Variants in KCTD1 observed in about 807,000 individuals in gnomAD.
The protein encoded by KCTD1 is BTB/POZ domain-containing protein KCTD1.
Under a neutral mutation model 66.0 loss-of-function variants are expected in KCTD1, and 24 were observed. That is an observed-to-expected ratio of 0.36 (90% CI 0.26 to 0.51). The LOEUF (loss-of-function observed/expected upper bound fraction) is 0.51, where lower values mean the gene tolerates loss of function less well. Ranked by LOEUF, KCTD1 falls within the 20% of genes least tolerant of loss-of-function variation. The pLI is 0.95. For synonymous variants in KCTD1, 511 were observed against 517.2 expected (o/e 0.99, Z 0.16); for missense variants, 943 against 1,205.2 (o/e 0.78, Z 3.22).
At chr18:26,478,852 CA>C (rs1009017413) in intron 2 of KCTD1, among the ~76,000 whole-genome samples, 22 of 151,870 alleles carry the variant, frequency 1.4e-4, no homozygotes, top group African/African-American at 5.3e-4. Flanking sequence ...GTGGTGAACT[CA>C]AAAAATGCAC....
At chr18:26,656,330 T>TC (rs1988139191) in intron 1 of KCTD1, among the ~76,000 whole-genome samples, 1 of 151,998 alleles carries the variant, frequency 6.6e-6, no homozygotes, top group African/African-American at 2.4e-5. Context: ...CCCCACCCCC[T>TC]CCCCGCCTCC....
At chr18:26,575,369 T>G (rs750963440) in intron 1 of KCTD1, 4 of 152,174 alleles carry the variant, frequency 2.6e-5, no homozygotes, top group Non-Finnish European at 5.9e-5. Context: ...GGAAACCACA[T>G]GCAGCGTCTC....
intron 1 of KCTD1, chr18:26,581,576 C>T (rs564202710): frequency 6.6e-5 from 10 of 152,152 alleles, no homozygotes; most frequent in African/African-American, 2.2e-4. Flanking sequence ...CCGTTATATC[C>T]CCAGTACCTA....
chr18:26,510,922 T>C (rs1983298887), intron 1 of KCTD1, among the ~76,000 whole-genome samples: 1 of 152,190 alleles, frequency 6.6e-6, no homozygotes, highest in Non-Finnish European at 1.5e-5. Flanking sequence ...GTAGGTACAA[T>C]AAAAAATTCT....
At chr18:26,627,561 TTC>T (rs1987530621) in intron 1 of KCTD1, among the ~76,000 whole-genome samples, 2 of 152,156 alleles carry the variant, frequency 1.3e-5, no homozygotes, top group African/African-American at 4.8e-5. Context: ...TCCAGAAAAA[TTC>T]TCTTTTTGGA....
intron 1 of KCTD1, among the ~76,000 whole-genome samples, chr18:26,602,197 C>T (rs1986914456): frequency 6.6e-6 from 1 of 152,084 alleles, no homozygotes; most frequent in South Asian, 2.1e-4. Flanking sequence ...TGAATTTTGC[C>T]AACTGATTTT....
intron 2 of KCTD1, among the ~76,000 whole-genome samples, chr18:26,496,464 G>C (rs1192832562): frequency 1.3e-5 from 2 of 152,124 alleles, no homozygotes; most frequent in African/African-American, 4.8e-5. Flanking sequence ...CCTCTGAAAG[G>C]AATCAGTGTT....
At chr18:26,493,152 G>A (rs1982294244) in intron 2 of KCTD1, among the ~76,000 whole-genome samples, 1 of 152,192 alleles carries the variant, frequency 6.6e-6, no homozygotes, top group Non-Finnish European at 1.5e-5. Flanking sequence ...TAAGTGAGAA[G>A]TTACTGGAAG....
Position 26,501,262 on chromosome 18 carries a change from T to C in KCTD1, c.1810-12A>G, listed in dbSNP as rs896219587. On this transcript the variant is annotated splice_polypyrimidine_tract_variant and intron_variant, in intron 1 of 4. Transcript: ENST00000580059. Reference sequence around the variant, plus strand: ...TTGGGCCGACTGTCCTACAGAGAGATAAGCAAGTTTAGATACTTTTTCTCT... The same window carrying C: ...TTGGGCCGACTGTCCTACAGAGAGACAAGCAAGTTTAGATACTTTTTCTCT... The C allele has an allele frequency of 1.2e-6, 2 of 1,608,828 alleles. No homozygotes were observed. The highest frequency in any genetic ancestry group is 1.7e-6 in the Non-Finnish European group (2 of 1,176,406).
At chr18:26,487,894 G>T (rs1981996087) in intron 2 of KCTD1, among the ~76,000 whole-genome samples, 12 of 152,148 alleles carry the variant, frequency 7.9e-5, no homozygotes, top group Admixed American at 7.2e-4. Context: ...CAGCTAAGAA[G>T]GATTCCTCAT....
intron 3 of KCTD1, among the ~76,000 whole-genome samples, chr18:26,472,384 ACTT>A (rs1390777079): frequency 1.3e-5 from 2 of 151,924 alleles, no homozygotes; most frequent in South Asian, 2.1e-4. Context: ...TGATAACTTG[ACTT>A]CTTTTTTGAC....
intron 1 of KCTD1, among the ~76,000 whole-genome samples, chr18:26,530,353 T>C (rs1984377607): frequency 6.6e-6 from 1 of 152,034 alleles, no homozygotes; most frequent in South Asian, 2.1e-4. Context: ...ACAGAAGAGA[T>C]ATGAGGGTTA....
chr18:26,476,754 T>C lies in KCTD1; in HGVS notation c.1989-95A>G. The C allele has an allele frequency of 2.7e-6, 3 of 1,101,498 alleles. No homozygotes were observed. The highest frequency in any genetic ancestry group is 2.0e-4 in the Middle Eastern group (1 of 5,088). The allele number at this position is 1,101,498 out of a possible 1,614,324, so 68.2% of individuals were successfully genotyped here. A position where few individuals can be genotyped will look rare whatever the true frequency, so the allele number is the denominator to read the frequency against. On this transcript the variant is annotated intron_variant, in intron 2 of 4. Transcript: ENST00000580059. This position sits in a 1 kb window ranked among gnomAD's most constrained non-coding sequence, Gnocchi z 4.9. ...CTTTTATCACTGTCAAAGGTAGCACTTTTGAAGATGGCAGTAGGGAAAAAT... is the reference window on the plus strand; with the variant it reads ...CTTTTATCACTGTCAAAGGTAGCACCTTTGAAGATGGCAGTAGGGAAAAAT...
intron 1 of KCTD1, among the ~76,000 whole-genome samples, chr18:26,593,974 TA>T (rs1351424565): frequency 6.6e-6 from 1 of 152,136 alleles, no homozygotes; most frequent in Non-Finnish European, 1.5e-5. Flanking sequence ...AACAGGATTA[TA>T]AAAAGAGTGG....
intron 1 of KCTD1, among the ~76,000 whole-genome samples, chr18:26,564,681 G>A (rs1285777432): frequency 6.6e-6 from 1 of 152,126 alleles, no homozygotes; most frequent in Non-Finnish European, 1.5e-5. Context: ...CCTGAGGTCA[G>A]GAGTTCAAGA....
At chr18:26,566,209 T>C (rs968242548) in intron 1 of KCTD1, 1 of 152,268 alleles carries the variant, frequency 6.6e-6, no homozygotes, top group Non-Finnish European at 1.5e-5. Context: ...TGCAAGATTA[T>C]GGCATTTTAA....
chr18:26,550,513 G>A (rs1288799440), upstream of KCTD1, among the ~76,000 whole-genome samples: 1 of 150,956 alleles, frequency 6.6e-6, no homozygotes, highest in African/African-American at 2.4e-5. This position sits in a 1 kb window ranked among gnomAD's most constrained non-coding sequence, Gnocchi z 5.4. Flanking sequence ...GTTAGAGCAA[G>A]TCCCTGCCTC....
chr18:26,604,196 T>A (rs932794161), intron 1 of KCTD1, among the ~76,000 whole-genome samples: 9 of 152,166 alleles, frequency 5.9e-5, no homozygotes, highest in African/African-American at 2.2e-4. Context: ...GAAATGCAAA[T>A]CAAAACCACA....
chr18:26,526,511 A>G (rs1409845023), intron 1 of KCTD1, among the ~76,000 whole-genome samples: 1 of 152,232 alleles, frequency 6.6e-6, no homozygotes, highest in African/African-American at 2.4e-5. Context: ...TAACTAGCAC[A>G]TCAAACCTGG....
Sources: gnomAD v4.1 joint callset for allele counts (sites outside exome capture counted in the v4.1 genomes callset) on GRCh38, gnomAD v4.1.1 for gene constraint, Gnocchi (gnomAD v3.1) non-coding constraint, MANE v1.5 for transcripts, NCBI Gene and HGNC (gene_info 2026-07-23, HGNC 2026-07-21) for gene names.